CPA6: variants seen among roughly 807,000 people sequenced by gnomAD.
CPA6 encodes the protein carboxypeptidase B.
Under a neutral mutation model 63.3 loss-of-function variants are expected in CPA6, and 58 were observed. The observed-to-expected ratio is 0.92, with a 90% CI of 0.74 to 1.14. The LOEUF is 1.14. Ranked by LOEUF, CPA6 falls within the 50% of genes most tolerant of loss-of-function variation. The pLI is 0.00. For synonymous variants in CPA6, 185 were observed against 179.0 expected (o/e 1.03, Z -0.27); for missense variants, 565 against 526.6 (o/e 1.07, Z -0.71).
chr8:67,717,940 C>T (rs768066640), intron 1 of CPA6, among the ~76,000 whole-genome samples: 8 of 152,136 alleles, frequency 5.3e-5, no homozygotes, highest in Non-Finnish European at 2.9e-5. Flanking sequence ...CTGTTGACAC[C>T]TTGATTCTAG....
intron 2 of CPA6, among the ~76,000 whole-genome samples, chr8:67,615,510 C>A (rs1814922358): frequency 7.0e-6 from 1 of 143,588 alleles, no homozygotes; most frequent in Non-Finnish European, 1.5e-5. Context: ...AAAAAGGTGA[C>A]CTACATAAAA....
chr8:67,444,573 C>T (rs752453016), intron 8 of CPA6, among the ~76,000 whole-genome samples: 5 of 151,554 alleles, frequency 3.3e-5, no homozygotes, highest in African/African-American at 4.8e-5. Flanking sequence ...CACTTGAGAT[C>T]GGGAGTTCGA....
intron 2 of CPA6, among the ~76,000 whole-genome samples, chr8:67,551,943 A>C (rs1812947359): frequency 6.6e-6 from 1 of 152,230 alleles, no homozygotes; most frequent in Non-Finnish European, 1.5e-5. Flanking sequence ...AGCTGATGAA[A>C]TGGGCAGTGA....
At chr8:67,613,673 G>A (rs148133380) in intron 2 of CPA6, among the ~76,000 whole-genome samples, 75 of 152,300 alleles carry the variant, frequency 4.9e-4, no homozygotes, top group African/African-American at 1.5e-3. Context: ...ACAGGAGACC[G>A]GGAAATCCTG....
chr8:67,745,629 G>A (rs10096944), intron 1 of CPA6, among the ~76,000 whole-genome samples: 6,218 of 151,314 alleles, frequency 0.041, 408 homozygotes, highest in African/African-American at 0.14. Context: ...TCAACCCACC[G>A]CTCCTACATA....
rs139674724 is a variant in CPA6 at position 67,639,576 on chromosome 8, G to A, written c.117-15325C>T. ...CACCAGGGAACATGGTGTGGTGCCC[G>A]GAAGCTTGGGATGCCAGGAACTGCA... On this transcript the variant is annotated intron_variant, in intron 1 of 10. Transcript: ENST00000297770. Among the ~76,000 whole-genome samples, 26 of 151,682 alleles carry A rather than the reference G, an allele frequency of 1.7e-4. No homozygotes were observed. In the East Asian group the frequency reaches 3.3e-3, roughly 19 times the overall value.
At chr8:67,447,124 A>G (rs1356717038) in intron 8 of CPA6, among the ~76,000 whole-genome samples, 3 of 151,984 alleles carry the variant, frequency 2.0e-5, no homozygotes, top group African/African-American at 7.3e-5. Flanking sequence ...ACACACACAC[A>G]CATATATATA....
intron 2 of CPA6, among the ~76,000 whole-genome samples, chr8:67,617,366 A>G (rs775603310): frequency 6.6e-6 from 1 of 152,238 alleles, no homozygotes; most frequent in Non-Finnish European, 1.5e-5. Flanking sequence ...AATTTAACCC[A>G]TGACTGCAGT....
At chr8:67,703,216 C>G (rs912585213) in intron 1 of CPA6, among the ~76,000 whole-genome samples, 3 of 152,126 alleles carry the variant, frequency 2.0e-5, no homozygotes, top group African/African-American at 7.2e-5. Context: ...ATTAACCAGT[C>G]CCCAGGACAA....
chr8:67,530,064 A>G (rs1361659482), intron 2 of CPA6, among the ~76,000 whole-genome samples: 1 of 152,242 alleles, frequency 6.6e-6, no homozygotes, highest in Non-Finnish European at 1.5e-5. Flanking sequence ...TTTCTCAGGT[A>G]AGAGAGGATA....
chr8:67,517,965 C>A lies in CPA6; in HGVS notation c.275G>T (p.Arg92Leu). The change falls in exon 3 of 11, where the codon CGA (arginine) becomes CTA (leucine). Residue 92 changes from arginine (R) to leucine (L), a missense_variant. Transcript: ENST00000297770. Reference protein sequence around the residue: ...TDVHIPQNGSRALLAFLQEAN... With the variant: ...TDVHIPQNGSLALLAFLQEAN... ...TTCCTGTAAGAAGGCTAACAGGGCT[C>A]GGGAACCATTTTGGGGGATATGGAC... 1 of 1,612,806 alleles carries A rather than the reference C, an allele frequency of 6.2e-7. No homozygotes were observed. Among genetic ancestry groups the A allele is most frequent in the Non-Finnish European group, 8.5e-7 (1 of 1,179,640 alleles).
At chr8:67,615,982 G>A (rs1048238820) in intron 2 of CPA6, among the ~76,000 whole-genome samples, 2 of 152,212 alleles carry the variant, frequency 1.3e-5, no homozygotes, top group African/African-American at 4.8e-5. Flanking sequence ...ACTAAGCCAA[G>A]GAGTGTGACA....
chr8:67,494,028 C>T (rs186461423), intron 6 of CPA6, among the ~76,000 whole-genome samples: 60 of 152,126 alleles, frequency 3.9e-4, no homozygotes, highest in Middle Eastern at 6.8e-3. Flanking sequence ...GTTTTAAAAA[C>T]ATAGTCATTT....
chr8:67,518,931 AG>A (rs1311199029), intron 2 of CPA6, among the ~76,000 whole-genome samples: 1 of 152,112 alleles, frequency 6.6e-6, no homozygotes, highest in East Asian at 1.9e-4. Flanking sequence ...CTGCTAGGGT[AG>A]GTCTCCTTGT....
At chr8:67,458,595 A>T (rs1810730446) in intron 8 of CPA6, among the ~76,000 whole-genome samples, 1 of 152,264 alleles carries the variant, frequency 6.6e-6, no homozygotes, top group Non-Finnish European at 1.5e-5. Flanking sequence ...TCTGCGAAAG[A>T]CAATGTCAAG....
intron 8 of CPA6, among the ~76,000 whole-genome samples, chr8:67,470,334 A>G (rs1563965136): frequency 6.6e-6 from 1 of 151,792 alleles, no homozygotes; most frequent in Non-Finnish European, 1.5e-5. Flanking sequence ...CCGGCCTTGG[A>G]TCATGTTTCT....
chr8:67,653,782 G>T (rs1194825196), intron 1 of CPA6, among the ~76,000 whole-genome samples: 1 of 152,076 alleles, frequency 6.6e-6, no homozygotes, highest in Non-Finnish European at 1.5e-5. Flanking sequence ...ACACTATGTT[G>T]AATAGGAGTG....
At chr8:67,591,082 C>A (rs981218443) in intron 2 of CPA6, among the ~76,000 whole-genome samples, 12 of 150,898 alleles carry the variant, frequency 8.0e-5, no homozygotes, top group Non-Finnish European at 1.8e-4. Flanking sequence ...AGGAAGGGAT[C>A]CAGTTTCAGC....
intron 1 of CPA6, among the ~76,000 whole-genome samples, chr8:67,687,736 C>T (rs1816735827): frequency 6.6e-6 from 1 of 152,070 alleles, no homozygotes; most frequent in African/African-American, 2.4e-5. Context: ...CTAGGCAAGT[C>T]AGTTCACTTC....
Sources: gnomAD v4.1 joint callset for allele counts (sites outside exome capture counted in the v4.1 genomes callset) on GRCh38, gnomAD v4.1.1 for gene constraint, MANE v1.5 for transcripts, NCBI Gene and HGNC (gene_info 2026-07-23, HGNC 2026-07-21) for gene names.